PDE3A: variants seen among roughly 807,000 people sequenced by gnomAD.
PDE3A encodes the protein cGMP-inhibited 3',5'-cyclic phosphodiesterase 3A.
Under a neutral mutation model 98.3 loss-of-function variants are expected in PDE3A, and 43 were observed. That is an observed-to-expected ratio of 0.44 (90% confidence interval 0.34 to 0.56). The LOEUF is 0.56. Ranked by LOEUF, PDE3A falls within the 20% of genes least tolerant of loss-of-function variation. The pLI, the probability that PDE3A is intolerant of heterozygous loss-of-function variation, is 0.01. For missense variants in PDE3A, 1,427 were observed against 1,440.7 expected (o/e 0.99, Z 0.15); for synonymous variants, 663 against 567.9 (o/e 1.17, Z -2.38).
At chr12:20,568,847 A>G (rs1942725178) in intron 2 of PDE3A, among the ~76,000 whole-genome samples, 1 of 152,036 alleles carries the variant, frequency 6.6e-6, no homozygotes, top group Admixed American at 6.6e-5. Flanking sequence ...ATAAAGAAGT[A>G]GTTTAGAGAG....
At chr12:20,389,584 T>A (rs1199579469) in intron 1 of PDE3A, among the ~76,000 whole-genome samples, 1 of 151,960 alleles carries the variant, frequency 6.6e-6, no homozygotes, top group Non-Finnish European at 1.5e-5. Context: ...TTCTAGAACG[T>A]TTGAAGAGTG....
At chr12:20,383,816 G>C (rs531506557) in intron 1 of PDE3A, among the ~76,000 whole-genome samples, 1 of 152,082 alleles carries the variant, frequency 6.6e-6, no homozygotes, top group African/African-American at 2.4e-5. Flanking sequence ...TGCAAGACTC[G>C]TTCTGAGGCA....
chr12:20,456,121 C>T (rs1013386684), intron 1 of PDE3A, among the ~76,000 whole-genome samples: 4 of 152,106 alleles, frequency 2.6e-5, no homozygotes, highest in African/African-American at 9.7e-5. Context: ...ATGAAGGGAT[C>T]ATCTCTTTCG....
chr12:20,563,668 C>T (rs746498596), intron 2 of PDE3A, among the ~76,000 whole-genome samples: 16 of 151,994 alleles, frequency 1.1e-4, no homozygotes, highest in Non-Finnish European at 2.1e-4. Context: ...TGGGGTTTTT[C>T]GTTTGCTTGT....
intron 4 of PDE3A, among the ~76,000 whole-genome samples, chr12:20,618,528 T>G (rs1244338006): frequency 6.6e-6 from 1 of 152,082 alleles, no homozygotes; most frequent in Admixed American, 6.6e-5. Flanking sequence ...TACAGTCTGG[T>G]AGAAAGCACA....
chr12:20,515,052 G>A (rs35529204), intron 1 of PDE3A, among the ~76,000 whole-genome samples: 42,193 of 152,056 alleles, frequency 0.28, 6,847 homozygotes, highest in East Asian at 0.54. Flanking sequence ...AGAGGGGGCC[G>A]AACTCATCCT....
In PDE3A at chr12:20,680,319, A is replaced by C. The variant is rs763624762; in HGVS notation, c.*48A>C. On this transcript the variant is annotated 3_prime_UTR_variant, in exon 16 of 16. Coordinates refer to ENST00000359062, the MANE Select transcript of PDE3A (RefSeq NM_000921.5). The stretch of plus-strand genomic sequence containing the variant: ...TTCCAAACAGATTGACTTGTCAAAG[A>C]CTCTCTTCAAGCCAGCACAACATTT... 5 of 1,594,706 alleles carry C rather than the reference A, an allele frequency of 3.1e-6. No homozygotes were observed. The highest frequency in any genetic ancestry group is 4.3e-6 in the Non-Finnish European group (5 of 1,166,088).
intron 2 of PDE3A, among the ~76,000 whole-genome samples, chr12:20,559,227 T>C (rs1025014061): frequency 1.3e-5 from 2 of 152,078 alleles, no homozygotes; most frequent in Non-Finnish European, 1.5e-5. Context: ...TACAGTGACA[T>C]GCTGCACAGA....
intron 1 of PDE3A, among the ~76,000 whole-genome samples, chr12:20,464,071 G>A (rs1945299442): frequency 6.6e-6 from 1 of 152,068 alleles, no homozygotes; most frequent in South Asian, 2.1e-4. Context: ...TAATGATACT[G>A]TTAGGCTCAC....
chr12:20,444,827 G>A (rs1465831603), intron 1 of PDE3A, among the ~76,000 whole-genome samples: 1 of 152,182 alleles, frequency 6.6e-6, no homozygotes, highest in Non-Finnish European at 1.5e-5. Context: ...TAAATTGTCT[G>A]CCTCAGGCAT....
At chr12:20,672,224 C>A (rs1448550590) in intron 15 of PDE3A, among the ~76,000 whole-genome samples, 2 of 148,154 alleles carry the variant, frequency 1.3e-5, no homozygotes, top group Admixed American at 6.7e-5. Flanking sequence ...AAGAACATTC[C>A]ATGCTCATGG....
intron 1 of PDE3A, among the ~76,000 whole-genome samples, chr12:20,542,420 G>T (rs1941939126): frequency 6.8e-6 from 1 of 147,416 alleles, no homozygotes; most frequent in Non-Finnish European, 1.5e-5. Context: ...GATAGTTTTT[G>T]GTATACGTAA....
intron 1 of PDE3A, among the ~76,000 whole-genome samples, chr12:20,397,371 G>C (rs180698011): frequency 6.6e-6 from 1 of 152,116 alleles, no homozygotes; most frequent in Admixed American, 6.5e-5. Context: ...TTTGCCAGAA[G>C]AAGGAAGTTG....
intron 2 of PDE3A, among the ~76,000 whole-genome samples, chr12:20,557,398 T>C (rs933988357): frequency 1.3e-5 from 2 of 152,198 alleles, no homozygotes; most frequent in African/African-American, 4.8e-5. Context: ...CCTAGAGCAC[T>C]TTGTGAAGAA....
chr12:20,675,887 T>G (rs1215061448), intron 15 of PDE3A, among the ~76,000 whole-genome samples: 1 of 152,230 alleles, frequency 6.6e-6, no homozygotes, highest in African/African-American at 2.4e-5. Flanking sequence ...ACAGGTGAGA[T>G]GAGCTTCTTA....
At chr12:20,386,562 G>T (rs896919269) in intron 1 of PDE3A, among the ~76,000 whole-genome samples, 5 of 151,182 alleles carry the variant, frequency 3.3e-5, no homozygotes, top group Admixed American at 6.6e-5. Context: ...ACTGGTCTCC[G>T]TCTCCTGACC....
Position 20,369,574 on chromosome 12 carries a change from C to T in PDE3A, c.290C>T (p.Ala97Val). The part of the protein sequence containing the change: ...CDLEQCKEAA[A>V]AEEEEAAPGA... ...CTGGAGCAGTGTAAGGAGGCGGCGGCGGCGGAGGAGGAGGAAGCAGCCCCG... is the reference window on the plus strand; with the variant it reads ...CTGGAGCAGTGTAAGGAGGCGGCGGTGGCGGAGGAGGAGGAAGCAGCCCCG... Residue 97 changes from alanine to valine, a missense_variant, in exon 1 of 16, where the codon GCG (alanine) becomes GTG (valine). By Grantham distance (64) the Ala-to-Val change is moderately conservative (BLOSUM62 0). Around this residue, in one of 3 missense-constraint regions of PDE3A, gnomAD observed 1,012 missense variants for 886.5 expected, o/e 1.14. Transcript: ENST00000359062. 2 of 1,554,382 alleles carry T rather than the reference C, an allele frequency of 1.3e-6. No individual in the cohort carries two copies. Among genetic ancestry groups the T allele is most frequent in the Admixed American group, 1.9e-5 (1 of 51,548 alleles).
intron 2 of PDE3A, among the ~76,000 whole-genome samples, chr12:20,607,161 G>A (rs1051954736): frequency 3.9e-5 from 6 of 152,108 alleles, no homozygotes; most frequent in South Asian, 2.1e-4. Context: ...GTACTCAGTC[G>A]GGCGCGGTGG....
chr12:20,448,520 A>C (rs1163705091), intron 1 of PDE3A, among the ~76,000 whole-genome samples: 1 of 152,204 alleles, frequency 6.6e-6, no homozygotes, highest in Non-Finnish European at 1.5e-5. Flanking sequence ...TTGTTAACAG[A>C]CTTTTCTGAA....
Sources: gnomAD v4.1 joint callset for allele counts (sites outside exome capture counted in the v4.1 genomes callset) on GRCh38, gnomAD v4.1.1 for gene constraint, gnomAD v4.1.1 regional missense constraint, MANE v1.5 for transcripts, NCBI Gene and HGNC (gene_info 2026-07-23, HGNC 2026-07-21) for gene names.